The following ZMYND15 variants were observed in gnomAD, a reference collection of about 807,000 sequenced individuals.
The protein encoded by ZMYND15 is zinc finger MYND-type containing 15.
A neutral mutation model predicts 81.7 loss-of-function variants in ZMYND15; 54 were observed. The observed-to-expected ratio is 0.66, with a 90% CI of 0.53 to 0.83. ZMYND15 has a LOEUF of 0.83. Among genes scored for constraint, ZMYND15 ranks in the 40% least tolerant of loss-of-function variants. The pLI is 0.00. For missense variants in ZMYND15, 925 were observed against 973.5 expected, an observed-to-expected ratio of 0.95 and a Z score of 0.66; for synonymous variants, 399 against 387.0, an observed-to-expected ratio of 1.03 and a Z score of -0.36.
Position 4,745,689 on chromosome 17 carries a change from G to T in ZMYND15, c.2058-130G>T. The T allele has an allele frequency of 3.3e-6, 2 of 607,616 alleles. No individual in the cohort carries two copies. Among genetic ancestry groups the T allele is most frequent in the South Asian group, 2.2e-5 (1 of 46,150 alleles). The allele number at this position is 607,616 out of a possible 1,614,324, so 37.6% of individuals were successfully genotyped here. A position where few individuals can be genotyped will look rare whatever the true frequency, so the allele number is the denominator to read the frequency against. ...CTCAGAGGGGCAAGCCCCGCCCCCT[G>T]GTCCCTGACCGCCCGGTGGAGCCCC... On this transcript the variant is annotated intron_variant, in intron 13 of 13. Coordinates refer to ENST00000433935, the MANE Select transcript of ZMYND15 (RefSeq NM_001136046.3). The surrounding 1 kb of genome is among the most constrained non-coding windows in gnomAD (Gnocchi z 5.2).
At chr17:4,742,234 CAG>C in intron 4 of ZMYND15, 95 bp from the exon 5 acceptor site, 1 of 1,549,774 alleles carries the variant, frequency 6.5e-7, no homozygotes, top group Non-Finnish European at 8.8e-7. Flanking sequence ...GTAAGACAAA[CAG>C]ACCGAGTGAC....
chr17:4,745,640 T>TG lies in ZMYND15; in HGVS notation c.2058-178dup, dbSNP rs1916629541. ...CGCGACCCTCCAACAGACCCAACCC[T>TG]GAGTCTAGCCCCACGCCCTGGAACT... On this transcript the variant is annotated intron_variant, in intron 13 of 13. Transcript: ENST00000433935. The surrounding 1 kb of genome is among the most constrained non-coding windows in gnomAD (Gnocchi z 5.2). Among the ~76,000 whole-genome samples the TG allele has an allele frequency of 6.6e-6, 1 of 151,448 alleles. No homozygotes were observed. The highest frequency in any genetic ancestry group is 1.5e-5 in the Non-Finnish European group (1 of 67,880).
chr17:4,741,278 G>GT, intron 2 of ZMYND15, 138 bp downstream of exon 2: 6 of 1,038,962 alleles, frequency 5.8e-6, no homozygotes, highest in Non-Finnish European at 6.5e-6. Flanking sequence ...CCCACAGTGG[G>GT]GTTTTTTTTT....
chr17:4,739,835 C>T lies in ZMYND15; in HGVS notation c.-246C>T, dbSNP rs961953218. The T allele has an allele frequency of 5.0e-6, 5 of 991,688 alleles. No individual in the cohort carries two copies. The South Asian group carries it at 2.2e-4, about 44-fold the overall frequency. The allele number at this position is 991,688 out of a possible 1,614,324, so 61.4% of individuals were successfully genotyped here. ...CCGATCCGGGCGCCGCGGGACCCAG[C>T]CGCGCTGCATGAGCCTCCCGGGCGG... On this transcript the variant is annotated 5_prime_UTR_variant, in exon 1 of 14. Transcript: ENST00000433935. This position sits in a 1 kb window ranked among gnomAD's most constrained non-coding sequence, Gnocchi z 5.3.
Position 4,745,705 on chromosome 17 carries a change from GT to G in ZMYND15, c.2058-113del, listed in dbSNP as rs1463200243. On this transcript the variant is annotated intron_variant, in intron 13 of 13. Transcript: ENST00000433935. The surrounding 1 kb of genome is among the most constrained non-coding windows in gnomAD (Gnocchi z 5.2). The stretch of plus-strand genomic sequence containing the variant: ...CCGCCCCCTGGTCCCTGACCGCCCG[GT>G]GGAGCCCCGCCCCCTGGTCCCTGAC... The G allele has an allele frequency of 9.0e-5, 61 of 674,154 alleles. No individual in the cohort carries two copies. Among genetic ancestry groups the G allele is most frequent in the Non-Finnish European group, 1.2e-4 (51 of 421,826 alleles). 41.8% of individuals were successfully genotyped at this position (674,154 alleles called of 1,614,324 possible).
chr17:4,743,951 G>A lies in ZMYND15; in HGVS notation c.1379-40G>A, dbSNP rs575576559. The A allele has an allele frequency of 2.2e-5, 34 of 1,558,618 alleles. 1 individual carries two copies. In the South Asian group the frequency reaches 3.8e-4, roughly 18 times the overall value. On this transcript the variant is annotated intron_variant, in intron 7 of 13. Coordinates refer to ENST00000433935, the MANE Select transcript of ZMYND15 (RefSeq NM_001136046.3). The surrounding 1 kb of genome is among the most constrained non-coding windows in gnomAD (Gnocchi z 4.3). ...AGGTTTGTTAGACTAGAGGGGGTGG[G>A]GGTCCAGGGCCAGGTCCTCTAGCAA... is the stretch of plus-strand genomic sequence containing the variant.
chr17:4,742,185 A>G, intron 4 of ZMYND15, 115 bp downstream of exon 4: 1 of 1,546,534 alleles, frequency 6.5e-7, no homozygotes, highest in South Asian at 1.2e-5. Flanking sequence ...GAGAAGATGC[A>G]GAGGAAACAA....
In ZMYND15 at chr17:4,742,349, C is replaced by T; in HGVS notation, c.1002C>T (p.Val334=). The change falls in exon 5 of 14, where the codon GTC becomes GTT. Residue 334 remains valine (V), a synonymous_variant. Transcript: ENST00000433935. ...TCCCCAGCCCCCAGTGTAGTGCTGT[C>T]TTGTATTGTGGAGAGGCTTGTCTCC... is the stretch of plus-strand genomic sequence containing the variant. ...KLTPCPQCSA[V]LYCGEACLRA... 6.2e-7 allele frequency: 1 copy of T among 1,614,050 alleles called. No homozygotes were observed. Among genetic ancestry groups the T allele is most frequent in the Non-Finnish European group, 8.5e-7 (1 of 1,179,966 alleles).
At chr17:4,740,423 G>A in intron 1 of ZMYND15, 96 bp from the exon 2 acceptor site, 1 of 1,400,926 alleles carries the variant, frequency 7.1e-7, no homozygotes, top group Non-Finnish European at 9.3e-7. Flanking sequence ...AACCCTAAGT[G>A]ACTCTCAAAC....
Position 4,745,095 on chromosome 17 carries a change from C to T in ZMYND15, c.1897-120C>T, listed in dbSNP as rs527561764. 339 of 1,566,394 alleles carry T rather than the reference C, an allele frequency of 2.2e-4. No homozygotes were observed. The African/African-American group carries it at 3.4e-3, about 16-fold the overall frequency. ...CTCTCTCTGTGTCTGTCTCCGTCCT[C>T]CCCCTGCTCCCCTCCGCCCGGTCTG... On this transcript the variant is annotated intron_variant, in intron 12 of 13. Transcript: ENST00000433935. This position sits in a 1 kb window ranked among gnomAD's most constrained non-coding sequence, Gnocchi z 5.2.
rs1916525084 is a variant in ZMYND15, at chr17:4,743,493, A to G, written c.1297+38A>G. ...TCTCCAGGCATGGGCCCCTTGGCCT[A>G]GAGGGAAGGACTGGGAAGAAGTTGT... is the stretch of plus-strand genomic sequence containing the variant. On this transcript the variant is annotated intron_variant, in intron 6 of 13. Coordinates refer to ENST00000433935, the MANE Select transcript of ZMYND15 (RefSeq NM_001136046.3). This position sits in a 1 kb window ranked among gnomAD's most constrained non-coding sequence, Gnocchi z 4.3. The G allele has an allele frequency of 6.2e-7, 1 of 1,609,960 alleles. No homozygotes were observed. The highest frequency in any genetic ancestry group is 1.1e-5 in the South Asian group (1 of 90,838).
Position 4,743,725 on chromosome 17 carries a change from G to A in ZMYND15, c.1298-42G>A, listed in dbSNP as rs1167506580. 5 of 1,570,480 alleles carry A rather than the reference G, an allele frequency of 3.2e-6. No individual in the cohort carries two copies. Among genetic ancestry groups the A allele is most frequent in the Non-Finnish European group, 3.5e-6 (4 of 1,152,614 alleles). The stretch of plus-strand genomic sequence containing the variant: ...GGAAGAAAGAGATGGGTCAGGTGGG[G>A]GTCTCCCTGACCCCAGGCCCCTCCT... On this transcript the variant is annotated intron_variant, in intron 6 of 13. Transcript: ENST00000433935. This position sits in a 1 kb window ranked among gnomAD's most constrained non-coding sequence, Gnocchi z 4.3.
chr17:4,744,649 C>T lies in ZMYND15; in HGVS notation c.1708C>T (p.Pro570Ser). The change falls in exon 11 of 14, where the codon CCT (proline) becomes TCT (serine). Residue 570 changes from proline (P) to serine (S), a missense_variant. Transcript: ENST00000433935. The surrounding 1 kb of genome is among the most constrained non-coding windows in gnomAD (Gnocchi z 4.1). ...QRDSLEVSVR[P>S]GSGISARPSS... ...GGACAGCCTGGAGGTGTCTGTCCGG[C>T]CTGGTTCCGGCATATCAGCACGGCC... 1 of 1,613,054 alleles carries T rather than the reference C, an allele frequency of 6.2e-7. No homozygotes were observed. The highest frequency in any genetic ancestry group is 8.5e-7 in the Non-Finnish European group (1 of 1,179,944).
Position 4,739,884 on chromosome 17 carries a change from G to A in ZMYND15, c.-197G>A, listed in dbSNP as rs961536024. 9 of 985,628 alleles carry A rather than the reference G, an allele frequency of 9.1e-6. 1 individual carries two copies. The South Asian group carries it at 2.8e-4, about 31-fold the overall frequency. The allele number at this position is 985,628 out of a possible 1,614,324, so 61.1% of individuals were successfully genotyped here. The stretch of plus-strand genomic sequence containing the variant: ...GGCCCGGTGGAGAGAGTCGCCGCCA[G>A]CCCCGGCCGCGCGCACCTGCGGGGC... On this transcript the variant is annotated 5_prime_UTR_variant, in exon 1 of 14. Coordinates refer to ENST00000433935, the MANE Select transcript of ZMYND15 (RefSeq NM_001136046.3). The surrounding 1 kb of genome is among the most constrained non-coding windows in gnomAD (Gnocchi z 5.3).
In ZMYND15 at chr17:4,741,121, G is replaced by A. The variant is rs1239935590; in HGVS notation, c.573G>A (p.Lys191=). 4 of 1,499,702 alleles carry A rather than the reference G, an allele frequency of 2.7e-6. No homozygotes were observed. Among genetic ancestry groups the A allele is most frequent in the African/African-American group, 1.4e-5 (1 of 71,932 alleles). The allele number at this position is 1,499,702 out of a possible 1,614,324, so 92.9% of individuals were successfully genotyped here. A position where few individuals can be genotyped will look rare whatever the true frequency, so the allele number is the denominator to read the frequency against. ...DRVENETRPQ[K]RKGQRSEAAP... ...TGGAGAACGAAACAAGACCCCAGAA[G>A]AGGAAGGGACAGAGGAGTGGTAAGA... The change falls in exon 2 of 14, where the codon AAG becomes AAA. Residue 191 remains lysine, a synonymous_variant. Coordinates refer to ENST00000433935, the MANE Select transcript of ZMYND15 (RefSeq NM_001136046.3).
chr17:4,741,964 C>G lies in ZMYND15; in HGVS notation c.877C>G (p.Pro293Ala). 4.3e-6 allele frequency: 7 copies of G among 1,614,216 alleles called. No homozygotes were observed. The highest frequency in any genetic ancestry group is 5.9e-6 in the Non-Finnish European group (7 of 1,180,042). The change falls in exon 4 of 14, where the codon CCA becomes GCA. Residue 293 changes from proline (P) to alanine (A), a missense_variant. By Grantham distance (27) the Pro-to-Ala change is conservative (BLOSUM62 -1). Transcript: ENST00000433935. ...PRLGVKLAKT[P>A]MRTWGPRPGF... ...GCTAGGTGTGAAGTTAGCCAAAACC[C>G]CAATGCGGACATGGGGTCCCCGGCC...
Position 4,743,741 on chromosome 17 carries a change from G to C in ZMYND15, c.1298-26G>C, listed in dbSNP as rs1274569206. On this transcript the variant is annotated intron_variant, in intron 6 of 13. Coordinates refer to ENST00000433935, the MANE Select transcript of ZMYND15 (RefSeq NM_001136046.3). The surrounding 1 kb of genome is among the most constrained non-coding windows in gnomAD (Gnocchi z 4.3). ...TCAGGTGGGGGTCTCCCTGACCCCAGGCCCCTCCTTCTTTCATCCTCTCAG... is the reference window on the plus strand; with the variant it reads ...TCAGGTGGGGGTCTCCCTGACCCCACGCCCCTCCTTCTTTCATCCTCTCAG... 3 of 1,606,564 alleles carry C rather than the reference G, an allele frequency of 1.9e-6. No homozygotes were observed. Among genetic ancestry groups the C allele is most frequent in the Non-Finnish European group, 2.6e-6 (3 of 1,175,970 alleles).
Position 4,743,661 on chromosome 17 carries a change from C to A in ZMYND15, c.1298-106C>A. On this transcript the variant is annotated intron_variant, in intron 6 of 13. Transcript: ENST00000433935. The surrounding 1 kb of genome is among the most constrained non-coding windows in gnomAD (Gnocchi z 4.3). ...CATCCCTATGCAAACCCCCATTCCTCTTACTGCGGCTGTCTCAGGGAATAC... is the reference window on the plus strand; with the variant it reads ...CATCCCTATGCAAACCCCCATTCCTATTACTGCGGCTGTCTCAGGGAATAC... 1 of 1,320,650 alleles carries A rather than the reference C, an allele frequency of 7.6e-7. No homozygotes were observed. The highest frequency in any genetic ancestry group is 1.0e-6 in the Non-Finnish European group (1 of 965,050). The allele number at this position is 1,320,650 out of a possible 1,614,324, so 81.8% of individuals were successfully genotyped here.
In ZMYND15 at chr17:4,740,708, C is replaced by G; in HGVS notation, c.160C>G (p.Pro54Ala). The change falls in exon 2 of 14, where the codon CCT becomes GCT. Residue 54 changes from proline (P) to alanine (A), a missense_variant. Physicochemically the swap from Pro to Ala is conservative, Grantham distance 27 (BLOSUM62 -1). Coordinates refer to ENST00000433935, the MANE Select transcript of ZMYND15 (RefSeq NM_001136046.3). ...CCAGATCAGAAGGCTACCCCAGGACCCTGCCCTTTGGGTGCTCCATGTCCT... is the reference window on the plus strand; with the variant it reads ...CCAGATCAGAAGGCTACCCCAGGACGCTGCCCTTTGGGTGCTCCATGTCCT... Reference protein sequence around the residue: ...EAQIRRLPQDPALWVLHVLPN... With the variant: ...EAQIRRLPQDAALWVLHVLPN... 2 of 1,613,516 alleles carry G rather than the reference C, an allele frequency of 1.2e-6. No homozygotes were observed. Among genetic ancestry groups the G allele is most frequent in the Non-Finnish European group, 1.7e-6 (2 of 1,179,650 alleles).
Sources: gnomAD v4.1 joint callset for allele counts (sites outside exome capture counted in the v4.1 genomes callset) on GRCh38, gnomAD v4.1.1 for gene constraint, Gnocchi (gnomAD v3.1) non-coding constraint, MANE v1.5 for transcripts, NCBI Gene and HGNC (gene_info 2026-07-23, HGNC 2026-07-21) for gene names.